LIMS2: variants seen among roughly 807,000 people sequenced by gnomAD.
LIMS2 encodes the protein LIM zinc finger domain containing 2, also known as LIM and senescent cell antigen-like-containing domain protein 2.
LIMS2 carries 30 observed loss-of-function variants against 45.3 expected under a neutral mutation model. That is an observed-to-expected ratio of 0.66 (90% CI 0.50 to 0.90). The LOEUF (loss-of-function observed/expected upper bound fraction) is 0.90, where lower values mean the gene tolerates loss of function less well. Among genes scored for constraint, LIMS2 ranks in the 40% least tolerant of loss-of-function variants. The pLI, the probability that LIMS2 is intolerant of heterozygous loss-of-function variation, is 0.00. For synonymous variants in LIMS2, 173 were observed against 188.0 expected (o/e 0.92, Z 0.65); for missense variants, 485 against 468.7 (o/e 1.03, Z -0.32).
intron 7 of LIMS2, chr2:127,640,563 G>A: frequency 3.3e-6 from 2 of 603,626 alleles, no homozygotes; most frequent in South Asian, 3.9e-5. Flanking sequence ...CTGCTGTCCT[G>A]CAAGGAGGTG....
intron 4 of LIMS2, chr2:127,650,213 G>A (rs1683586723): frequency 1.6e-5 from 12 of 747,436 alleles, no homozygotes; most frequent in Non-Finnish European, 2.5e-5. Flanking sequence ...TGCACCTGTG[G>A]GCAGGTGGGT....
rs1056678948 is a variant in LIMS2 at position 127,642,280 on chromosome 2, C to T, written c.510-81G>A. On this transcript the variant is annotated intron_variant, in intron 5 of 9. Transcript: ENST00000355119. This position sits in a 1 kb window ranked among gnomAD's most constrained non-coding sequence, Gnocchi z 5.3. Reference sequence around the variant, plus strand: ...CCAGCAGCGCCTCCACCCCAGGGCACGGCTCCCCGAGGGGCCCATTCTGTC... The same window carrying T: ...CCAGCAGCGCCTCCACCCCAGGGCATGGCTCCCCGAGGGGCCCATTCTGTC... 1.1e-5 allele frequency: 15 copies of T among 1,402,028 alleles called. No individual in the cohort carries two copies. The highest frequency in any genetic ancestry group is 5.6e-5 in the Admixed American group (2 of 35,554). The allele number at this position is 1,402,028 out of a possible 1,614,324, so 86.8% of individuals were successfully genotyped here.
rs921065042 is a variant in LIMS2 at position 127,672,215 on chromosome 2, G to T, written c.11+2799C>A. Among the ~76,000 whole-genome samples, 4 of 152,212 alleles carry T rather than the reference G, an allele frequency of 2.6e-5. No individual in the cohort carries two copies. Among genetic ancestry groups the T allele is most frequent in the Non-Finnish European group, 5.9e-5 (4 of 68,032 alleles). The stretch of plus-strand genomic sequence containing the variant: ...GGACAGCTGGGTCCCTAGGTAGGTG[G>T]CCTTAATATCCTCCCTGTAGAACAA... On this transcript the variant is annotated intron_variant, in intron 1 of 9. Transcript: ENST00000355119. This position sits in a 1 kb window ranked among gnomAD's most constrained non-coding sequence, Gnocchi z 4.9.
chr2:127,653,839 CCTTCAGA>C lies in LIMS2; in HGVS notation c.359+578_359+584del, dbSNP rs1460030895. On this transcript the variant is annotated intron_variant, in intron 4 of 9. Transcript: ENST00000355119. The surrounding 1 kb of genome is among the most constrained non-coding windows in gnomAD (Gnocchi z 5.3). ...TTTTAACCCAGCTCCCCAGCCCAGT[CCTTCAGA>C]AAGGACGAGAGAGTGGCGTGGAGAA... Among the ~76,000 whole-genome samples, 1 of 152,070 alleles carries C rather than the reference CCTTCAGA, an allele frequency of 6.6e-6. No individual in the cohort carries two copies. The highest frequency in any genetic ancestry group is 1.5e-5 in the Non-Finnish European group (1 of 68,004).
rs1167460433 is a variant in LIMS2, at chr2:127,653,329, T to C, written c.359+1095A>G. Among the ~76,000 whole-genome samples the C allele has an allele frequency of 6.6e-6, 1 of 152,004 alleles. No individual in the cohort carries two copies. Among genetic ancestry groups the C allele is most frequent in the African/African-American group, 2.4e-5 (1 of 41,370 alleles). On this transcript the variant is annotated intron_variant, in intron 4 of 9. Transcript: ENST00000355119. This position sits in a 1 kb window ranked among gnomAD's most constrained non-coding sequence, Gnocchi z 5.3. ...GCCTCTCACTGATACAGGGGACGCATGCAGAGGCAGCCTTGGTGGTCAGTG... is the reference window on the plus strand; with the variant it reads ...GCCTCTCACTGATACAGGGGACGCACGCAGAGGCAGCCTTGGTGGTCAGTG...
chr2:127,662,429 C>T (rs1424458457), intron 1 of LIMS2, among the ~76,000 whole-genome samples: 3 of 152,220 alleles, frequency 2.0e-5, no homozygotes, highest in Admixed American at 1.3e-4. Context: ...GGCTTCCTCC[C>T]TGCCCCGCCT....
intron 1 of LIMS2, among the ~76,000 whole-genome samples, chr2:127,670,484 A>G (rs1685226320): frequency 6.6e-6 from 1 of 152,202 alleles, no homozygotes; most frequent in Admixed American, 6.5e-5. Flanking sequence ...GGAGGGGGAA[A>G]TGAGGACTGT....
intron 4 of LIMS2, among the ~76,000 whole-genome samples, chr2:127,648,618 G>C (rs901318344): frequency 2.6e-5 from 4 of 152,130 alleles, no homozygotes; most frequent in Non-Finnish European, 5.9e-5. Flanking sequence ...TAAGAGGAGA[G>C]GGGCTGGGCG....
At chr2:127,654,580 C>A (rs201964997) in intron 3 of LIMS2, 36 bp from the exon 4 acceptor site, 19 of 1,613,538 alleles carry the variant, frequency 1.2e-5, no homozygotes, top group Non-Finnish European at 1.6e-5. Context: ...CTGGGGAGCA[C>A]GTGCCTGTCC....
At position 127,675,192 on chromosome 2, in the gene LIMS2, G is replaced by C. The variant is rs1685456181; in HGVS notation, c.-168C>G. 2 of 445,736 alleles carry C rather than the reference G, an allele frequency of 4.5e-6. No individual in the cohort carries two copies. Among genetic ancestry groups the C allele is most frequent in the Admixed American group, 9.3e-5 (2 of 21,488 alleles). The allele number at this position is 445,736 out of a possible 1,614,324, so 27.6% of individuals were successfully genotyped here. A position where few individuals can be genotyped will look rare whatever the true frequency, so the allele number is the denominator to read the frequency against. On this transcript the variant is annotated 5_prime_UTR_variant, in exon 1 of 10. Transcript: ENST00000355119. ...GCGAGAGGGGTGGGCGGGGGTGGCA[G>C]GGTGGGGCCCGCGGGGCGGGGTGGG...
At chr2:127,677,620 A>G (rs186747549), upstream of LIMS2, among the ~76,000 whole-genome samples, 4 of 152,126 alleles carry the variant, frequency 2.6e-5, no homozygotes, top group East Asian at 7.7e-4. This position sits in a 1 kb window ranked among gnomAD's most constrained non-coding sequence, Gnocchi z 5.0. Context: ...GGGGCACGGG[A>G]AATAAAGGAG....
rs949780512 is a variant in LIMS2 at position 127,642,700 on chromosome 2, G to GCCCCC, written c.509+218_509+222dup. The GCCCCC allele has an allele frequency of 3.6e-6, 2 of 560,690 alleles. No homozygotes were observed. The highest frequency in any genetic ancestry group is 6.3e-6 in the Non-Finnish European group (2 of 317,800). The allele number at this position is 560,690 out of a possible 1,614,324, so 34.7% of individuals were successfully genotyped here. A position where few individuals can be genotyped will look rare whatever the true frequency, so the allele number is the denominator to read the frequency against. Reference sequence around the variant, plus strand: ...CCCACCCGCCTCCTGAGTCTCAAGTGCCCCCCAAACAGAGCCCTGGAGAGA... The same window carrying GCCCCC: ...CCCACCCGCCTCCTGAGTCTCAAGTGCCCCCCCCCCCAAACAGAGCCCTGGAGAGA... On this transcript the variant is annotated intron_variant, in intron 5 of 9. Coordinates refer to ENST00000355119, the MANE Select transcript of LIMS2 (RefSeq NM_001161403.3). The surrounding 1 kb of genome is among the most constrained non-coding windows in gnomAD (Gnocchi z 5.3).
chr2:127,658,787 G>A (rs771109125), intron 1 of LIMS2, among the ~76,000 whole-genome samples: 23 of 152,230 alleles, frequency 1.5e-4, no homozygotes, highest in Non-Finnish European at 2.9e-5. Flanking sequence ...CATCAGGCTC[G>A]CTGGGGAGTG....
intron 4 of LIMS2, among the ~76,000 whole-genome samples, chr2:127,645,539 C>T (rs1333883340): frequency 1.3e-5 from 2 of 152,214 alleles, no homozygotes; most frequent in Non-Finnish European, 2.9e-5. Flanking sequence ...CCGGCGAGCA[C>T]CCGGCCTCTG....
intron 4 of LIMS2, chr2:127,651,304 C>T (rs1230516888): frequency 6.2e-7 from 1 of 1,609,304 alleles, no homozygotes; most frequent in Admixed American, 1.7e-5. Flanking sequence ...GAGAAGGCCT[C>T]CCACCATGCC....
At chr2:127,650,280 A>C in intron 4 of LIMS2, 2 of 582,508 alleles carry the variant, frequency 3.4e-6, no homozygotes, top group South Asian at 4.1e-5. Flanking sequence ...GCTTGGGCTG[A>C]GGAGGAGCTG....
intron 4 of LIMS2, chr2:127,651,105 T>C (rs764445421): frequency 4.3e-6 from 7 of 1,613,468 alleles, no homozygotes; most frequent in East Asian, 2.2e-5. Flanking sequence ...CTTCCTCACC[T>C]GCATCAGCGC....
At chr2:127,651,111 A>G (rs776778090) in intron 4 of LIMS2, 5 of 1,613,526 alleles carry the variant, frequency 3.1e-6, no homozygotes, top group Admixed American at 1.7e-5. Context: ...CACCTGCATC[A>G]GCGCCGACCG....
At chr2:127,680,293 G>A (rs542946945), upstream of LIMS2, among the ~76,000 whole-genome samples, 26 of 152,300 alleles carry the variant, frequency 1.7e-4, no homozygotes, top group Non-Finnish European at 2.4e-4. Flanking sequence ...TTTAAAACTA[G>A]GAGCATAAAA....
Sources: allele counts gnomAD v4.1 joint callset (sites outside exome capture counted in the v4.1 genomes callset), GRCh38; gene constraint gnomAD v4.1.1; non-coding constraint Gnocchi (gnomAD v3.1); transcripts MANE v1.5; gene names NCBI Gene and HGNC (gene_info 2026-07-23, HGNC 2026-07-21).